SCHIP1: variants seen among roughly 807,000 people sequenced by gnomAD.
The protein encoded by SCHIP1 is schwannomin interacting protein 1.
Under a neutral mutation model 29.7 loss-of-function variants are expected in SCHIP1, and 8 were observed. The observed-to-expected ratio is 0.27, with a 90% CI of 0.16 to 0.49. The LOEUF is 0.49. SCHIP1 is among the 20% of genes least tolerant of loss of function. The pLI is 0.99. For synonymous variants in SCHIP1, 76 were observed against 94.9 expected (o/e 0.80, Z 1.16); for missense variants, 193 against 294.6 (o/e 0.66, Z 2.52).
At chr3:159,757,489 C>CA in the SCHIP1 span, among the ~76,000 whole-genome samples, 1 of 152,174 alleles carries the variant, frequency 6.6e-6, no homozygotes, top group East Asian at 1.9e-4. Flanking sequence ...TGGGTGGGGA[C>CA]ACAGAGCTAA....
chr3:159,871,643 G>A (rs964861403), intron 2 of SCHIP1, among the ~76,000 whole-genome samples: 5 of 152,154 alleles, frequency 3.3e-5, no homozygotes, highest in African/African-American at 1.2e-4. Context: ...CTTGGGCTAT[G>A]AATTGCGACT....
At chr3:159,843,780 G>A (rs1744508811) in intron 1 of SCHIP1, among the ~76,000 whole-genome samples, 3 of 132,918 alleles carry the variant, frequency 2.3e-5, no homozygotes, top group Admixed American at 8.7e-5. Context: ...CTGAGATCAC[G>A]CCACTGCGCT....
the SCHIP1 span, among the ~76,000 whole-genome samples, chr3:159,409,118 G>A: frequency 2.0e-5 from 3 of 151,898 alleles, no homozygotes; most frequent in African/African-American, 2.4e-5. Flanking sequence ...CAAAAAACTC[G>A]GTATAGAGGT....
the SCHIP1 span, among the ~76,000 whole-genome samples, chr3:159,360,164 C>T: frequency 6.6e-6 from 1 of 152,156 alleles, no homozygotes; most frequent in Non-Finnish European, 1.5e-5. Context: ...GCCCAGGGAC[C>T]ATTAAGCTTT....
the SCHIP1 span, among the ~76,000 whole-genome samples, chr3:159,429,437 G>T: frequency 1.3e-5 from 2 of 151,970 alleles, no homozygotes; most frequent in African/African-American, 2.4e-5. Context: ...CAAAATCAAA[G>T]CATCTAAGTG....
the SCHIP1 span, among the ~76,000 whole-genome samples, chr3:159,716,436 A>G: frequency 2.0e-4 from 30 of 152,224 alleles, no homozygotes; most frequent in Non-Finnish European, 3.4e-4. Flanking sequence ...AAATGCTCCA[A>G]TTAAAAGACA....
At chr3:159,754,600 T>C in the SCHIP1 span, among the ~76,000 whole-genome samples, 8 of 152,256 alleles carry the variant, frequency 5.3e-5, no homozygotes, top group African/African-American at 1.7e-4. Context: ...AAAGTTTGTG[T>C]TTAGTCACTG....
At chr3:159,537,485 A>G in the SCHIP1 span, among the ~76,000 whole-genome samples, 92 of 152,264 alleles carry the variant, frequency 6.0e-4, no homozygotes, top group African/African-American at 2.0e-3. Context: ...GTCTCCCTCC[A>G]GTCTTCCCTC....
chr3:159,715,314 A>C, the SCHIP1 span, among the ~76,000 whole-genome samples: 1 of 152,252 alleles, frequency 6.6e-6, no homozygotes, highest in Non-Finnish European at 1.5e-5. Flanking sequence ...AGAAAAGCTG[A>C]AACTTCTAAA....
At chr3:159,525,713 G>A in the SCHIP1 span, among the ~76,000 whole-genome samples, 4 of 152,154 alleles carry the variant, frequency 2.6e-5, no homozygotes, top group Non-Finnish European at 5.9e-5. Context: ...AATATTCATG[G>A]ACTGAAGTAG....
chr3:159,827,740 G>T, the SCHIP1 span, among the ~76,000 whole-genome samples: 1 of 151,664 alleles, frequency 6.6e-6, no homozygotes, highest in Admixed American at 6.6e-5. Context: ...GGGAAGCGGA[G>T]CTTGCAGTGA....
At chr3:159,696,243 C>T in the SCHIP1 span, among the ~76,000 whole-genome samples, 1 of 152,188 alleles carries the variant, frequency 6.6e-6, no homozygotes, top group African/African-American at 2.4e-5. Context: ...TCCATGCAAT[C>T]CCTGTGTCAC....
the SCHIP1 span, among the ~76,000 whole-genome samples, chr3:159,389,188 A>AT: frequency 6.6e-6 from 1 of 151,998 alleles, no homozygotes; most frequent in Non-Finnish European, 1.5e-5. Flanking sequence ...TAGAAAGTAT[A>AT]TTTTTTCCAA....
chr3:159,543,599 T>A, the SCHIP1 span, among the ~76,000 whole-genome samples: 2 of 151,780 alleles, frequency 1.3e-5, no homozygotes, highest in Non-Finnish European at 2.9e-5. Flanking sequence ...TGCCACATTT[T>A]CTTAATCCAG....
the SCHIP1 span, among the ~76,000 whole-genome samples, chr3:159,299,336 T>TA: frequency 2.0e-5 from 3 of 152,160 alleles, no homozygotes; most frequent in Non-Finnish European, 4.4e-5. Context: ...TTTATCCTCT[T>TA]ACTCATGTGA....
At chr3:159,838,665 C>T (rs866484766), upstream of SCHIP1, among the ~76,000 whole-genome samples, 2 of 151,864 alleles carry the variant, frequency 1.3e-5, no homozygotes, top group East Asian at 1.9e-4. Context: ...CCGAGGCAGG[C>T]GGATCACAAG....
intron 1 of SCHIP1, among the ~76,000 whole-genome samples, chr3:159,843,459 G>T (rs1408924739): frequency 6.6e-6 from 1 of 152,024 alleles, no homozygotes; most frequent in Non-Finnish European, 1.5e-5. Flanking sequence ...TGCTTTCTCA[G>T]TGCTTAGAAT....
At chr3:159,779,948 A>G in the SCHIP1 span, among the ~76,000 whole-genome samples, 6 of 152,240 alleles carry the variant, frequency 3.9e-5, no homozygotes, top group South Asian at 1.0e-3. Context: ...ACCCTCCTCT[A>G]TATTCTTAGG....
At chr3:159,528,610 C>T in the SCHIP1 span, among the ~76,000 whole-genome samples, 1 of 152,164 alleles carries the variant, frequency 6.6e-6, no homozygotes, top group African/African-American at 2.4e-5. Context: ...TTGAAATCTC[C>T]CCCTCAAAGT....
Sources: gnomAD v4.1 joint callset for allele counts (sites outside exome capture counted in the v4.1 genomes callset) on GRCh38, gnomAD v4.1.1 for gene constraint, MANE v1.5 for transcripts, NCBI Gene and HGNC (gene_info 2026-07-23, HGNC 2026-07-21) for gene names.